MUC3A: variants seen among roughly 807,000 people sequenced by gnomAD.
MUC3A encodes the protein mucin-3A.
A neutral mutation model predicts 109.0 loss-of-function variants in MUC3A; 109 were observed. That is an observed-to-expected ratio of 1.00 (90% CI 0.86 to 1.17). The LOEUF (loss-of-function observed/expected upper bound fraction) is 1.17. Ranked by LOEUF, MUC3A falls within the 50% of genes most tolerant of loss-of-function variation. MUC3A has a pLI of 0.00. For missense variants in MUC3A, 3,537 were observed against 2,469.4 expected, an observed-to-expected ratio of 1.43 and a Z score of -9.16; for synonymous variants, 1,398 against 981.4, an observed-to-expected ratio of 1.42 and a Z score of -7.93.
chr7:100,966,612 G>A, intron 9 of MUC3A, 40 bp from the exon 10 acceptor site: 1 of 1,598,040 alleles, frequency 6.3e-7, no homozygotes, highest in Non-Finnish European at 8.5e-7. Context: ...GGGGTCCCAG[G>A]CGGGCCGGCT....
At chr7:100,965,984 C>A in intron 8 of MUC3A, 118 bp downstream of exon 8, 2 of 1,431,102 alleles carry the variant, frequency 1.4e-6, no homozygotes. Context: ...GCCTCGTCCC[C>A]AGAGTGCCGC....
chr7:100,959,087 C>T lies in MUC3A; in HGVS notation c.7308C>T (p.Thr2436=). 1 of 1,578,584 alleles carries T rather than the reference C, an allele frequency of 6.3e-7. No homozygotes were observed. The highest frequency in any genetic ancestry group is 8.5e-7 in the Non-Finnish European group (1 of 1,169,846). Residue 2436 remains threonine, a synonymous_variant, in exon 2 of 12, where the codon ACC becomes ACT. Transcript: ENST00000379458. ...CTTCAATCACCACCACTGAGACCAC[C>T]TCAGAGAGTACTCCCAGCCTCAGTT... ...FTSSITTTET[T]SESTPSLSSS...
chr7:100,965,693 C>T lies in MUC3A; in HGVS notation c.9449-11C>T, dbSNP rs771023873. ...TCCTTGTCTCTGTGCATCCCCCTCC[C>T]CAACCCCCAGCCATCTGCCGCCGCG... On this transcript the variant is annotated splice_polypyrimidine_tract_variant and intron_variant, in intron 7 of 11. Transcript: ENST00000379458. 6.3e-7 allele frequency: 1 copy of T among 1,595,066 alleles called. No homozygotes were observed. The highest frequency in any genetic ancestry group is 1.7e-5 in the Admixed American group (1 of 59,778).
At chr7:100,963,093 G>A (rs1443355330) in intron 3 of MUC3A, 58 bp from the exon 4 acceptor site, 13 of 1,563,862 alleles carry the variant, frequency 8.3e-6, no homozygotes, top group South Asian at 1.2e-5. Context: ...TGGTGGTGTT[G>A]GTGGCTTCAG....
rs970230155 is a variant in MUC3A, at chr7:100,963,726, C to T, written c.9207C>T (p.Phe3069=). ...KIFADMQGFT[F]KGVEILSLRN... ...TTGCAGACATGCAGGGCTTCACCTTCAAGGGTGTGGAGATCCTGTCCCTGA... is the reference window on the plus strand; with the variant it reads ...TTGCAGACATGCAGGGCTTCACCTTTAAGGGTGTGGAGATCCTGTCCCTGA... Residue 3069 remains phenylalanine (F), a synonymous_variant, in exon 5 of 12, where the codon TTC becomes TTT. Transcript: ENST00000379458. 1.9e-6 allele frequency: 3 copies of T among 1,598,440 alleles called. No individual in the cohort carries two copies. The African/African-American group carries it at 4.0e-5, about 21-fold the overall frequency.
rs778706824 is a variant in MUC3A, at chr7:100,952,742, C to T, written c.963C>T (p.Leu321=). 2.5e-6 allele frequency: 4 copies of T among 1,585,374 alleles called. No homozygotes were observed. The South Asian group carries it at 3.3e-5, about 13-fold the overall frequency. Residue 321 remains leucine (L), a synonymous_variant, in exon 2 of 12, where the codon CTC becomes CTT. Transcript: ENST00000379458. ...CCCTATCCACCTTGGTGACCACACT[C>T]CCCACTACCATCAGCAGGTCTACAC... The part of the protein sequence containing the change: ...TTPLSTLVTT[L]PTTISRSTPT...
chr7:100,964,785 G>A lies in MUC3A; in HGVS notation c.9324G>A (p.Thr3108=), dbSNP rs750731104. 5.6e-6 allele frequency: 9 copies of A among 1,598,338 alleles called. No individual in the cohort carries two copies. The highest frequency in any genetic ancestry group is 4.0e-5 in the African/African-American group (3 of 74,964). The change falls in exon 6 of 12, where the codon ACG becomes ACA. Residue 3108 remains threonine (T), a synonymous_variant. Transcript: ENST00000379458. ...LESEYEQVKT[T]LKEGLQNASQ... is the part of the protein sequence containing the mutation. ...GCGAGTATGAGCAGGTGAAGACCAC[G>A]CTGAAGGAGGGGCTGCAGAACGCCA...
In MUC3A at chr7:100,963,172, G is replaced by T; in HGVS notation, c.9074G>T (p.Gly3025Val). Residue 3025 changes from glycine (G) to valine (V), a missense_variant, in exon 4 of 12, where the codon GGC becomes GTC. Transcript: ENST00000379458. ...VDLDVVETEVGMEVSVDQQFS... is the reference protein window; with the variant it reads ...VDLDVVETEVVMEVSVDQQFS... ...GTAGATGTAGTGGAGACCGAGGTGG[G>T]CATGGAAGTGTCTGTGGATCAGCAG... 1.9e-6 allele frequency: 3 copies of T among 1,591,722 alleles called. No homozygotes were observed. The highest frequency in any genetic ancestry group is 2.6e-6 in the Non-Finnish European group (3 of 1,176,338).
At chr7:100,963,956 C>T (rs1792432465) in intron 5 of MUC3A, 1 of 707,028 alleles carries the variant, frequency 1.4e-6, no homozygotes, top group Middle Eastern at 3.7e-4. Flanking sequence ...TCTTCTTCAG[C>T]ACACTGGAAG....
At chr7:100,962,488 A>C (rs1792360920) in intron 3 of MUC3A, among the ~76,000 whole-genome samples, 1 of 152,308 alleles carries the variant, frequency 6.6e-6, no homozygotes, top group African/African-American at 2.4e-5. Flanking sequence ...CTTGCCATGT[A>C]GTATAGCATA....
chr7:100,964,898 C>T, intron 6 of MUC3A, 55 bp downstream of exon 6: 4 of 1,537,746 alleles, frequency 2.6e-6, no homozygotes, highest in Admixed American at 1.9e-5. Context: ...CCAGCCCACT[C>T]CAGCTCAGCC....
Position 100,967,405 on chromosome 7 carries a change from TCA to T in MUC3A, c.*244_*245del, listed in dbSNP as rs1792637384. The T allele has an allele frequency of 3.2e-6, 2 of 627,536 alleles. No homozygotes were observed. The highest frequency in any genetic ancestry group is 2.0e-5 in the South Asian group (1 of 49,684). The allele number at this position is 627,536 out of a possible 1,614,324, so 38.9% of individuals were successfully genotyped here. On this transcript the variant is annotated 3_prime_UTR_variant, in exon 12 of 12. Coordinates refer to ENST00000379458, the MANE Select transcript of MUC3A (RefSeq NM_005960.2). ...ATCTTGGGCAAGTCAGTAACGAGCCTCAGTTTCCTCACCTGCAAAACGGGTAC... is the reference window on the plus strand; with the variant it reads ...ATCTTGGGCAAGTCAGTAACGAGCCTGTTTCCTCACCTGCAAAACGGGTAC...
At chr7:100,963,604 T>A (rs1159815671) in intron 4 of MUC3A, 84 bp from the exon 5 acceptor site, 1 of 1,590,170 alleles carries the variant, frequency 6.3e-7, no homozygotes, top group Non-Finnish European at 8.5e-7. Flanking sequence ...AATTGAAGGG[T>A]CTTCCCTGGA....
Position 100,964,730 on chromosome 7 carries a change from T to C in MUC3A, c.9269T>C (p.Leu3090Pro), listed in dbSNP as rs779290746. Residue 3090 changes from leucine (L) to proline (P), a missense_variant, in exon 6 of 12, where the codon CTG (leucine) becomes CCG (proline). Leu to Pro is a moderately conservative substitution (Grantham distance 98, BLOSUM62 -3). Transcript: ENST00000379458. ...ATCGTGGTGGACTACCTGGTCCTGC[T>C]GGAGATGCCCTTCAGCCCCCAGCTG... Reference protein sequence around the residue: ...GSIVVDYLVLLEMPFSPQLES... With the variant: ...GSIVVDYLVLPEMPFSPQLES... 2 of 1,598,482 alleles carry C rather than the reference T, an allele frequency of 1.3e-6. No individual in the cohort carries two copies. Among genetic ancestry groups the C allele is most frequent in the East Asian group, 2.2e-5 (1 of 44,890 alleles).
Position 100,959,670 on chromosome 7 carries a change from A to T in MUC3A, c.7891A>T (p.Ile2631Phe). 1 of 1,594,652 alleles carries T rather than the reference A, an allele frequency of 6.3e-7. No homozygotes were observed. Among genetic ancestry groups the T allele is most frequent in the South Asian group, 1.1e-5 (1 of 91,032 alleles). The part of the protein sequence containing the change: ...STIVSTSQVP[I>F]PSTHSSTLQT... ...GATCGTGTCAACATCACAGGTTCCT[A>T]TTCCTAGCACACATTCCTCCACCCT... The change falls in exon 2 of 12, where the codon ATT (isoleucine) becomes TTT (phenylalanine). Residue 2631 changes from isoleucine (I) to phenylalanine (F), a missense_variant. Coordinates refer to ENST00000379458, the MANE Select transcript of MUC3A (RefSeq NM_005960.2).
At position 100,957,639 on chromosome 7, in the gene MUC3A, A is replaced by C; in HGVS notation, c.5860A>C (p.Ser1954Arg). Residue 1954 changes from serine to arginine, a missense_variant, in exon 2 of 12, where the codon AGC becomes CGC. Coordinates refer to ENST00000379458, the MANE Select transcript of MUC3A (RefSeq NM_005960.2). The part of the protein sequence containing the change: ...SITNTKTTSH[S>R]SPSFTSSITT... ...CACCAATACCAAGACCACCTCACAC[A>C]GCTCTCCCAGCTTCACTTCTTCGAT... The C allele has an allele frequency of 6.3e-7, 1 of 1,584,020 alleles. No homozygotes were observed. Among genetic ancestry groups the C allele is most frequent in the Non-Finnish European group, 8.6e-7 (1 of 1,168,146 alleles).
chr7:100,955,526 A>G lies in MUC3A; in HGVS notation c.3747A>G (p.Ser1249=). ...SSPSIQNTET[S]SLVSMTSATT... ...CCAGCATCCAGAATACAGAAACCTC[A>G]TCCCTTGTCAGCATGACCTCTGCCA... Residue 1249 remains serine, a synonymous_variant, in exon 2 of 12, where the codon TCA becomes TCG. Coordinates refer to ENST00000379458, the MANE Select transcript of MUC3A (RefSeq NM_005960.2). 1 of 523,102 alleles carries G rather than the reference A, an allele frequency of 1.9e-6. No homozygotes were observed. Among genetic ancestry groups the G allele is most frequent in the Non-Finnish European group, 3.3e-6 (1 of 299,612 alleles). The allele number at this position is 523,102 out of a possible 1,614,324, so 32.4% of individuals were successfully genotyped here. A position where few individuals can be genotyped will look rare whatever the true frequency, so the allele number is the denominator to read the frequency against.
rs202097342 is a variant in MUC3A, at chr7:100,963,226, C to T, written c.9128C>T (p.Ser3043Phe). The T allele has an allele frequency of 7.5e-6, 12 of 1,598,294 alleles. No individual in the cohort carries two copies. The highest frequency in any genetic ancestry group is 1.0e-5 in the Non-Finnish European group (12 of 1,179,722). Reference sequence around the variant, plus strand: ...TCGCCGGACCTCAATGACAACACTTCCCAGGCCTACAGGGATTTCAACAAG... The same window carrying T: ...TCGCCGGACCTCAATGACAACACTTTCCAGGCCTACAGGGATTTCAACAAG... ...QFSPDLNDNT[S>F]QAYRDFNKTF... The change falls in exon 4 of 12, where the codon TCC becomes TTC. Residue 3043 changes from serine (S) to phenylalanine (F), a missense_variant. Transcript: ENST00000379458.
rs1584803514 is a variant in MUC3A at position 100,958,576 on chromosome 7, C to T, written c.6797C>T (p.Thr2266Ile). The T allele has an allele frequency of 2.1e-6, 2 of 968,544 alleles. No individual in the cohort carries two copies. The highest frequency in any genetic ancestry group is 4.0e-5 in the African/African-American group (1 of 24,710). The allele number at this position is 968,544 out of a possible 1,614,324, so 60.0% of individuals were successfully genotyped here. Residue 2266 changes from threonine (T) to isoleucine (I), a missense_variant, in exon 2 of 12, where the codon ACC becomes ATC. Coordinates refer to ENST00000379458, the MANE Select transcript of MUC3A (RefSeq NM_005960.2). ...FTSSITTTET[T>I]SHDTPSFTSS... Reference sequence around the variant, plus strand: ...TCTTCGATCACCACCACTGAGACCACCTCACATGATACTCCCAGCTTCACT... The same window carrying T: ...TCTTCGATCACCACCACTGAGACCATCTCACATGATACTCCCAGCTTCACT...
Sources: allele counts gnomAD v4.1 joint callset (sites outside exome capture counted in the v4.1 genomes callset), GRCh38; gene constraint gnomAD v4.1.1; transcripts MANE v1.5; gene names NCBI Gene and HGNC (gene_info 2026-07-23, HGNC 2026-07-21).